VAV2: variants seen among roughly 807,000 people sequenced by gnomAD.
VAV2 encodes the protein vav guanine nucleotide exchange factor 2, also known as guanine nucleotide exchange factor VAV2.
In VAV2, 67 loss-of-function variants were observed where a neutral mutation model predicts 132.5. That is an observed-to-expected ratio of 0.51 (90% CI 0.42 to 0.62). The LOEUF (loss-of-function observed/expected upper bound fraction) is 0.62, where lower values mean the gene tolerates loss of function less well. Among genes scored for constraint, VAV2 ranks in the 20% least tolerant of loss-of-function variants. The probability of loss-of-function intolerance (pLI) is 0.00; values close to 1 mark genes in which losing one functional copy is unlikely to be tolerated. For synonymous variants in VAV2, 492 were observed against 443.5 expected, an observed-to-expected ratio of 1.11 and a Z score of -1.37; for missense variants, 938 against 1,153.6, an observed-to-expected ratio of 0.81 and a Z score of 2.71.
intron 1 of VAV2, among the ~76,000 whole-genome samples, chr9:133,955,916 G>A (rs893535261): frequency 2.7e-5 from 4 of 149,364 alleles, no homozygotes; most frequent in Admixed American, 1.3e-4. Flanking sequence ...TGCCGCTTCC[G>A]CTCAGCACAA....
rs12350328 is a variant in VAV2 at position 133,827,610 on chromosome 9, T to C, written c.449+6662A>G. The stretch of plus-strand genomic sequence containing the variant: ...GCACGGGCATCGCCAGCTACTGCTG[T>C]GCCCACTGAGGCTGACCACTGAGTG... On this transcript the variant is annotated intron_variant, in intron 4 of 29. Transcript: ENST00000371850. 4.4e-3 allele frequency among the ~76,000 whole-genome samples: 142 copies of C among 32,498 alleles called. 6 individuals carry two copies. The highest frequency in any genetic ancestry group is 0.011 in the African/African-American group (76 of 6,696). 21.3% of individuals were successfully genotyped at this position (32,498 alleles called of 152,430 possible). A position where few individuals can be genotyped will look rare whatever the true frequency, so the allele number is the denominator to read the frequency against.
intron 3 of VAV2, among the ~76,000 whole-genome samples, chr9:133,853,525 G>A (rs1193536417): frequency 6.6e-6 from 1 of 152,112 alleles, no homozygotes; most frequent in Non-Finnish European, 1.5e-5. Context: ...GGTGTGGCAG[G>A]TTCCATCTGA....
At chr9:133,796,374 C>T in intron 11 of VAV2, 55 bp downstream of exon 11, 2 of 1,520,748 alleles carry the variant, frequency 1.3e-6, no homozygotes, top group Non-Finnish European at 9.0e-7. Context: ...GCTGCCAGCC[C>T]TCATCTGACT....
At position 133,794,132 on chromosome 9, in the gene VAV2, C is replaced by T. The variant is rs1457381276; in HGVS notation, c.1101+1536G>A. Among the ~76,000 whole-genome samples the T allele has an allele frequency of 1.3e-5, 2 of 152,102 alleles. No homozygotes were observed. Among genetic ancestry groups the T allele is most frequent in the South Asian group, 2.1e-4 (1 of 4,810 alleles). On this transcript the variant is annotated intron_variant, in intron 12 of 29. Coordinates refer to ENST00000371850, the MANE Select transcript of VAV2 (RefSeq NM_001134398.2). This position sits in a 1 kb window ranked among gnomAD's most constrained non-coding sequence, Gnocchi z 4.6. ...GAAACGCAAGACCACACTCAGGGCCCGGGTGCACGGCCCACTGCACCTGCT... is the reference window on the plus strand; with the variant it reads ...GAAACGCAAGACCACACTCAGGGCCTGGGTGCACGGCCCACTGCACCTGCT...
At chr9:133,985,919 A>G (rs1409402216) in intron 1 of VAV2, among the ~76,000 whole-genome samples, 2 of 152,184 alleles carry the variant, frequency 1.3e-5, no homozygotes, top group Non-Finnish European at 2.9e-5. Flanking sequence ...AACTGGAGAC[A>G]TGGCAGCAAG....
At chr9:133,832,858 T>G (rs747826684) in intron 4 of VAV2, among the ~76,000 whole-genome samples, 1 of 151,928 alleles carries the variant, frequency 6.6e-6, no homozygotes, top group Non-Finnish European at 1.5e-5. Flanking sequence ...AGTTTTTTTT[T>G]GAATTTTTGA....
At chr9:133,781,585 C>T (rs1016876502) in intron 19 of VAV2, among the ~76,000 whole-genome samples, 3 of 152,300 alleles carry the variant, frequency 2.0e-5, no homozygotes, top group Admixed American at 1.3e-4. Context: ...CGGGACATCT[C>T]GGCCCCCATG....
chr9:133,770,324 C>G lies in VAV2; in HGVS notation c.2347+54G>C. 3.7e-6 allele frequency: 6 copies of G among 1,609,054 alleles called. No individual in the cohort carries two copies. In the African/African-American group the frequency reaches 4.0e-5, roughly 11 times the overall value. On this transcript the variant is annotated intron_variant, in intron 27 of 29. Coordinates refer to ENST00000371850, the MANE Select transcript of VAV2 (RefSeq NM_001134398.2). Reference sequence around the variant, plus strand: ...CAGGATCTGAGCCCTGGGAAGTGGGCCAGGGCAGACCCCTCCGAGGAGTGC... The same window carrying G: ...CAGGATCTGAGCCCTGGGAAGTGGGGCAGGGCAGACCCCTCCGAGGAGTGC...
chr9:133,840,230 T>C lies in VAV2; in HGVS notation c.381-5890A>G, dbSNP rs983706290. On this transcript the variant is annotated intron_variant, in intron 3 of 29. Transcript: ENST00000371850. The surrounding 1 kb of genome is among the most constrained non-coding windows in gnomAD (Gnocchi z 4.5). ...GCCTTCCTGAGCATGCATTTCCTCG[T>C]GCCCGGCTTCGGGAAGCAGAGTTTC... 1.3e-5 allele frequency among the ~76,000 whole-genome samples: 2 copies of C among 152,192 alleles called. No homozygotes were observed. The highest frequency in any genetic ancestry group is 4.8e-5 in the African/African-American group (2 of 41,428).
chr9:133,806,816 G>A (rs1348945351), intron 8 of VAV2, among the ~76,000 whole-genome samples: 3 of 152,236 alleles, frequency 2.0e-5, no homozygotes, highest in Non-Finnish European at 1.5e-5. Flanking sequence ...ACCCATGCAC[G>A]GCTGCCGGAG....
chr9:133,938,845 C>T (rs1014163821), intron 2 of VAV2, among the ~76,000 whole-genome samples: 3 of 152,206 alleles, frequency 2.0e-5, no homozygotes, highest in Non-Finnish European at 4.4e-5. Context: ...CGCCTGAATT[C>T]GTCACGCCTG....
At chr9:133,798,865 G>A (rs1372738227) in intron 9 of VAV2, among the ~76,000 whole-genome samples, 1 of 152,214 alleles carries the variant, frequency 6.6e-6, no homozygotes, top group Admixed American at 6.5e-5. Context: ...TGCAAGGCTG[G>A]GCCGGACCCA....
intron 1 of VAV2, among the ~76,000 whole-genome samples, chr9:133,945,406 G>A (rs1020319734): frequency 2.0e-5 from 3 of 152,160 alleles, no homozygotes; most frequent in East Asian, 1.9e-4. Context: ...CTGATTGATC[G>A]GCACATAATA....
intron 1 of VAV2, among the ~76,000 whole-genome samples, chr9:133,973,370 T>C (rs1256235443): frequency 6.6e-6 from 1 of 152,068 alleles, no homozygotes; most frequent in Non-Finnish European, 1.5e-5. Flanking sequence ...AGAACAGGCT[T>C]CTTCTGGTGT....
chr9:133,838,405 G>C (rs1836556196), intron 3 of VAV2, among the ~76,000 whole-genome samples: 1 of 146,726 alleles, frequency 6.8e-6, no homozygotes, highest in African/African-American at 2.5e-5. Flanking sequence ...TTGGCTGGCT[G>C]GCTGAGTGGG....
intron 2 of VAV2, among the ~76,000 whole-genome samples, chr9:133,894,665 C>T (rs903776950): frequency 2.6e-5 from 4 of 152,168 alleles, no homozygotes; most frequent in African/African-American, 9.7e-5. Context: ...TCCTTAACCC[C>T]AAGGGGACCA....
intron 2 of VAV2, among the ~76,000 whole-genome samples, chr9:133,933,662 T>C (rs1840771119): frequency 7.1e-6 from 1 of 141,772 alleles, no homozygotes; most frequent in Non-Finnish European, 1.5e-5. Flanking sequence ...GATGGGTGGA[T>C]GGGTGGACGG....
At chr9:133,827,177 G>T (rs1294952738) in intron 4 of VAV2, among the ~76,000 whole-genome samples, 1 of 150,898 alleles carries the variant, frequency 6.6e-6, no homozygotes, top group African/African-American at 2.5e-5. Context: ...ACCTACCGCT[G>T]CGCCCACTGG....
intron 1 of VAV2, among the ~76,000 whole-genome samples, chr9:133,968,376 T>C (rs1842215620): frequency 6.6e-6 from 1 of 152,146 alleles, no homozygotes; most frequent in Non-Finnish European, 1.5e-5. Flanking sequence ...ACAATTATTA[T>C]GTACCAATTA....
Sources: gnomAD v4.1 joint callset for allele counts (sites outside exome capture counted in the v4.1 genomes callset) on GRCh38, gnomAD v4.1.1 for gene constraint, Gnocchi (gnomAD v3.1) non-coding constraint, MANE v1.5 for transcripts, NCBI Gene and HGNC (gene_info 2026-07-23, HGNC 2026-07-21) for gene names.